DPYD: variants seen among roughly 807,000 people sequenced by gnomAD.
DPYD encodes dihydropyrimidine dehydrogenase [NADP(+)].
Under a neutral mutation model 116.2 loss-of-function variants are expected in DPYD, and 109 were observed. The ratio of observed to expected loss-of-function variants is 0.94; its 90% confidence interval spans 0.80 to 1.10. DPYD has a LOEUF of 1.10. Ranked by LOEUF, DPYD falls within the 50% of genes least tolerant of loss-of-function variation. The pLI is 0.00. For missense variants in DPYD, 1,302 were observed against 1,254.5 expected (o/e 1.04, Z -0.57); for synonymous variants, 440 against 432.0 (o/e 1.02, Z -0.23).
intron 20 of DPYD, among the ~76,000 whole-genome samples, chr1:97,142,842 A>G (rs972192158): frequency 6.6e-6 from 1 of 152,052 alleles, no homozygotes; most frequent in East Asian, 1.9e-4. Flanking sequence ...AATTTGATGA[A>G]ATATTTTGAT....
chr1:97,752,595 G>C (rs1201134925), intron 3 of DPYD, among the ~76,000 whole-genome samples: 1 of 152,128 alleles, frequency 6.6e-6, no homozygotes, highest in Non-Finnish European at 1.5e-5. Flanking sequence ...CCTGATGCTA[G>C]AACTCTGCTC....
intron 21 of DPYD, among the ~76,000 whole-genome samples, chr1:97,090,985 T>C (rs1649861621): frequency 6.6e-6 from 1 of 152,188 alleles, no homozygotes; most frequent in South Asian, 2.1e-4. Context: ...CATTAAGTCA[T>C]TAAGGCATTT....
chr1:97,446,568 C>T (rs938421437), intron 14 of DPYD, among the ~76,000 whole-genome samples: 2 of 152,062 alleles, frequency 1.3e-5, no homozygotes, highest in African/African-American at 4.8e-5. Context: ...AATTGTTCTT[C>T]CTTATTAATT....
At chr1:97,460,115 T>G (rs948925915) in intron 13 of DPYD, among the ~76,000 whole-genome samples, 17 of 152,178 alleles carry the variant, frequency 1.1e-4, no homozygotes, top group Non-Finnish European at 1.5e-5. Flanking sequence ...GTATGCAATT[T>G]TTATAGTAAA....
chr1:97,310,149 G>A (rs970322408), intron 16 of DPYD, among the ~76,000 whole-genome samples: 1 of 151,594 alleles, frequency 6.6e-6, no homozygotes, highest in Non-Finnish European at 1.5e-5. Context: ...TTAGAATCTG[G>A]CATTTCAATA....
At chr1:97,537,923 T>C (rs1346843348) in intron 12 of DPYD, among the ~76,000 whole-genome samples, 2 of 152,114 alleles carry the variant, frequency 1.3e-5, no homozygotes, top group African/African-American at 2.4e-5. Flanking sequence ...CAAAACTAAC[T>C]GGGCGTGGTG....
chr1:97,217,476 T>C (rs924710779), intron 19 of DPYD, among the ~76,000 whole-genome samples: 4 of 152,302 alleles, frequency 2.6e-5, no homozygotes, highest in Admixed American at 6.5e-5. Flanking sequence ...GACATAGTTG[T>C]GATTTCTAAG....
At chr1:97,872,840 C>A (rs1157568669) in intron 2 of DPYD, among the ~76,000 whole-genome samples, 3 of 151,900 alleles carry the variant, frequency 2.0e-5, no homozygotes, top group African/African-American at 7.2e-5. Flanking sequence ...TACTTTTCTT[C>A]ATGCTCCAGT....
At chr1:97,203,665 C>A (rs1166546988) in intron 19 of DPYD, among the ~76,000 whole-genome samples, 29 of 41,112 alleles carry the variant, frequency 7.1e-4, no homozygotes, top group South Asian at 5.4e-3. Context: ...AGTTCAGACC[C>A]CCCCCCCCCA....
At chr1:97,529,588 G>C (rs77212630) in intron 12 of DPYD, among the ~76,000 whole-genome samples, 12,863 of 151,996 alleles carry the variant, frequency 0.085, 667 homozygotes, top group South Asian at 0.1. Context: ...TACAATCCAC[G>C]TCACAAACAT....
chr1:97,384,620 C>A (rs759051950), intron 14 of DPYD, among the ~76,000 whole-genome samples: 1 of 151,476 alleles, frequency 6.6e-6, no homozygotes, highest in Non-Finnish European at 1.5e-5. Flanking sequence ...AAACTGCTGG[C>A]GATTATATGA....
chr1:97,396,049 A>C lies in DPYD; in HGVS notation c.1906-13588T>G, dbSNP rs28452204. 7.7e-3 allele frequency among the ~76,000 whole-genome samples: 1,161 copies of C among 151,264 alleles called. 16 individuals are homozygous for C. Among genetic ancestry groups the C allele is most frequent in the African/African-American group, 0.027 (1,109 of 41,300 alleles). On this transcript the variant is annotated intron_variant, in intron 14 of 22. Coordinates refer to ENST00000370192, the MANE Select transcript of DPYD (RefSeq NM_000110.4). ...CTAAATTAATAATTGTTTCAATCCC[A>C]AATTTGAGGTATTTTGTTATATAGG... is the stretch of plus-strand genomic sequence containing the variant.
At chr1:97,768,421 AACATCATTATATAGGCAAGAATTTCACAC>A (rs1206621978) in intron 3 of DPYD, among the ~76,000 whole-genome samples, 1 of 152,204 alleles carries the variant, frequency 6.6e-6, no homozygotes, top group Non-Finnish European at 1.5e-5. Flanking sequence ...AGCATTGCCC[AACATCATTATATAGGCAAGAATTTCACAC>A]AAATCACTGA....
chr1:97,205,605 G>A (rs1659533809), intron 19 of DPYD, among the ~76,000 whole-genome samples: 1 of 151,932 alleles, frequency 6.6e-6, no homozygotes, highest in East Asian at 1.9e-4. Flanking sequence ...TATTTTAACA[G>A]TTAATAAAAT....
At chr1:97,629,696 C>A (rs1213453433) in intron 8 of DPYD, among the ~76,000 whole-genome samples, 1 of 151,596 alleles carries the variant, frequency 6.6e-6, no homozygotes, top group Non-Finnish European at 1.5e-5. Flanking sequence ...AAAAAACAAA[C>A]AAAAACAAAA....
intron 2 of DPYD, among the ~76,000 whole-genome samples, chr1:97,880,053 T>C (rs1393744282): frequency 2.0e-5 from 3 of 151,680 alleles, no homozygotes; most frequent in Non-Finnish European, 4.4e-5. Context: ...GATATATGTA[T>C]ATATATCAAT....
intron 4 of DPYD, among the ~76,000 whole-genome samples, chr1:97,731,387 A>T (rs1026492792): frequency 6.6e-6 from 1 of 152,100 alleles, no homozygotes; most frequent in Non-Finnish European, 1.5e-5. Flanking sequence ...AATTTACTTT[A>T]AAAATTTTAA....
In DPYD at chr1:97,593,439, T is replaced by C. The variant is rs561205661; in HGVS notation, c.959-52A>G. 5 of 1,601,146 alleles carry C rather than the reference T, an allele frequency of 3.1e-6. No homozygotes were observed. In the South Asian group the frequency reaches 5.5e-5, roughly 18 times the overall value. On this transcript the variant is annotated intron_variant, in intron 9 of 22. Coordinates refer to ENST00000370192, the MANE Select transcript of DPYD (RefSeq NM_000110.4). The stretch of plus-strand genomic sequence containing the variant: ...TTCAAGTAGAGAAACCATTTCTGCA[T>C]GACAGCTCAAAAGATACTTGTACTC...
At chr1:97,897,063 T>A (rs778392495) in intron 1 of DPYD, among the ~76,000 whole-genome samples, 1 of 151,888 alleles carries the variant, frequency 6.6e-6, no homozygotes, top group Non-Finnish European at 1.5e-5. Context: ...AAGGATGTGA[T>A]TTCCTTTAAT....
Sources: allele counts gnomAD v4.1 joint callset (sites outside exome capture counted in the v4.1 genomes callset), GRCh38; gene constraint gnomAD v4.1.1; transcripts MANE v1.5; gene names NCBI Gene and HGNC (gene_info 2026-07-23, HGNC 2026-07-21).